The following IL7 variants were observed in gnomAD, a reference collection of about 807,000 sequenced individuals.
The protein encoded by IL7 is interleukin 7.
In IL7, 3 loss-of-function variants were observed where a neutral mutation model predicts 21.6. The ratio of observed to expected loss-of-function variants is 0.14; its 90% confidence interval spans 0.06 to 0.36. The LOEUF is 0.36. IL7 is among the 10% of genes least tolerant of loss of function. The pLI, the probability that IL7 is intolerant of heterozygous loss-of-function variation, is 1.00. For synonymous variants in IL7, 62 were observed against 68.1 expected, an observed-to-expected ratio of 0.91 and a Z score of 0.44; for missense variants, 175 against 200.2, an observed-to-expected ratio of 0.87 and a Z score of 0.76.
At chr8:78,771,368 T>C (rs933161689) in intron 2 of IL7, among the ~76,000 whole-genome samples, 2 of 152,102 alleles carry the variant, frequency 1.3e-5, no homozygotes, top group African/African-American at 4.8e-5. Context: ...TTAAACAAGG[T>C]CTAAGGCAGT....
chr8:78,729,801 G>A (rs912347178), downstream of IL7, among the ~76,000 whole-genome samples: 1 of 151,908 alleles, frequency 6.6e-6, no homozygotes, highest in Admixed American at 6.6e-5. Context: ...TAAAGTTTTA[G>A]GTTAAAGTTC....
rs77127864 is a variant in IL7, at chr8:78,687,203, C to G, written n.215-1256G>C. 6.2e-3 allele frequency among the ~76,000 whole-genome samples: 935 copies of G among 151,944 alleles called. 8 individuals carry two copies. The highest frequency in any genetic ancestry group is 0.021 in the African/African-American group (886 of 41,482). On this transcript the variant is annotated intron_variant and non_coding_transcript_variant, in intron 3 of 4. Transcript: ENST00000523959. ...AAAACTTAAAGTGACAAAGTTGACA[C>G]TTTGACATTCCTTATTAGAGCAGCC...
chr8:78,689,257 A>G, intron 3 of IL7: 1 of 1,591,896 alleles, frequency 6.3e-7, no homozygotes, highest in Non-Finnish European at 8.6e-7. Context: ...GAGGAGATTC[A>G]ATGAAAATGC....
At chr8:78,686,088 A>G in intron 3 of IL7, 1 of 153,052 alleles carries the variant, frequency 6.5e-6, no homozygotes, top group South Asian at 2.1e-4. Flanking sequence ...TGAGGGCGGA[A>G]CCATAATGAC....
At chr8:78,718,564 C>G (rs367820612) in intron 6 of IL7, 1 of 151,756 alleles carries the variant, frequency 6.6e-6, no homozygotes, top group East Asian at 1.9e-4. Flanking sequence ...TTTTCCTACT[C>G]TTTTTTTCAT....
chr8:78,798,285 A>G, intron 1 of IL7, 77 bp from the exon 2 acceptor site: 2 of 966,846 alleles, frequency 2.1e-6, no homozygotes, highest in South Asian at 2.1e-5. Flanking sequence ...AATGGACTGG[A>G]CCACTAATTT....
chr8:78,765,940 T>C (rs1812741632), intron 2 of IL7, among the ~76,000 whole-genome samples: 1 of 152,086 alleles, frequency 6.6e-6, no homozygotes, highest in African/African-American at 2.4e-5. Flanking sequence ...CTTCAGTAGG[T>C]GAATGAATAA....
Position 78,712,692 on chromosome 8 carries a change from G to T in IL7, n.214+8656C>A, listed in dbSNP as rs1332611603. On this transcript the variant is annotated intron_variant and non_coding_transcript_variant, in intron 3 of 4. Coordinates refer to the IL7 transcript ENST00000523959. The stretch of plus-strand genomic sequence containing the variant: ...CAGTTCTGACCTGGCTGGCTGAAAA[G>T]AGTGTGTGGCAATGGCAGTTACTTT... 4.6e-5 allele frequency among the ~76,000 whole-genome samples: 7 copies of T among 152,148 alleles called. No individual in the cohort carries two copies. The South Asian group carries it at 1.4e-3, about 31-fold the overall frequency.
intron 2 of IL7, among the ~76,000 whole-genome samples, chr8:78,782,229 C>T (rs73251644): frequency 0.091 from 13,866 of 152,200 alleles, 833 homozygotes; most frequent in East Asian, 0.29. Context: ...TTATCCATCT[C>T]AGCCTCAGCC....
chr8:78,765,690 G>A (rs145577938), intron 2 of IL7, among the ~76,000 whole-genome samples: 18 of 152,178 alleles, frequency 1.2e-4, no homozygotes, highest in Non-Finnish European at 2.1e-4. Context: ...GTAAATGCTG[G>A]CAAGGATGTA....
At position 78,711,846 on chromosome 8, in the gene IL7, A is replaced by C. The variant is rs1010159241; in HGVS notation, n.214+9502T>G. On this transcript the variant is annotated intron_variant and non_coding_transcript_variant, in intron 3 of 4. Transcript: ENST00000523959. ...GAACTCTCTGAGGATTCTTTTGGAC[A>C]TTAGTTCTTACCTTGACAGTCAGAT... is the stretch of plus-strand genomic sequence containing the variant. 19 of 413,268 alleles carry C rather than the reference A, an allele frequency of 4.6e-5. No homozygotes were observed. In the East Asian group the frequency reaches 1.1e-3, roughly 23 times the overall value. 25.6% of individuals were successfully genotyped at this position (413,268 alleles called of 1,614,324 possible).
At chr8:78,701,156 C>T (rs1341593300) in intron 3 of IL7, among the ~76,000 whole-genome samples, 1 of 152,182 alleles carries the variant, frequency 6.6e-6, no homozygotes, top group Non-Finnish European at 1.5e-5. Context: ...TTTGTGTCAT[C>T]TTTAATTTCT....
At chr8:78,715,971 C>T (rs1280275323), downstream of IL7, among the ~76,000 whole-genome samples, 3 of 139,364 alleles carry the variant, frequency 2.2e-5, no homozygotes, top group African/African-American at 8.1e-5. Context: ...ACCTGGGAGG[C>T]AGAGGTTGGA....
chr8:78,735,975 T>G (rs1811578901), intron 5 of IL7, among the ~76,000 whole-genome samples: 1 of 151,398 alleles, frequency 6.6e-6, no homozygotes, highest in Non-Finnish European at 1.5e-5. Context: ...TTGTATAATT[T>G]ATCTAATAAT....
intron 4 of IL7, among the ~76,000 whole-genome samples, chr8:78,683,278 T>C (rs1809849614): frequency 6.6e-6 from 1 of 152,246 alleles, no homozygotes; most frequent in Non-Finnish European, 1.5e-5. Flanking sequence ...TGCAGTGCCC[T>C]AGCAGAGGTT....
chr8:78,730,009 T>C (rs1458044634), downstream of IL7, among the ~76,000 whole-genome samples: 5 of 151,888 alleles, frequency 3.3e-5, no homozygotes, highest in South Asian at 1.0e-3. Context: ...TCAGAAAGAA[T>C]GAAACACTTA....
At chr8:78,705,068 G>A (rs932745679) in intron 3 of IL7, among the ~76,000 whole-genome samples, 29 of 152,062 alleles carry the variant, frequency 1.9e-4, no homozygotes, top group East Asian at 9.6e-4. Context: ...AGTGAACTTC[G>A]TTCCTGTCCG....
chr8:78,762,367 G>T (rs1471254028), intron 2 of IL7: 24 of 1,612,618 alleles, frequency 1.5e-5, no homozygotes, highest in Non-Finnish European at 2.0e-5. Flanking sequence ...AGCTGAAGAA[G>T]GCCAAGTCAA....
At chr8:78,803,691 G>T (rs1175892463) in intron 1 of IL7, among the ~76,000 whole-genome samples, 1 of 152,160 alleles carries the variant, frequency 6.6e-6, no homozygotes, top group East Asian at 1.9e-4. Context: ...AGAACCAAGG[G>T]TGATCCAGAA....
Sources: gnomAD v4.1 joint callset for allele counts (sites outside exome capture counted in the v4.1 genomes callset) on GRCh38, gnomAD v4.1.1 for gene constraint, MANE v1.5 for transcripts, NCBI Gene and HGNC (gene_info 2026-07-23, HGNC 2026-07-21) for gene names.